IL7: variants seen among roughly 807,000 people sequenced by gnomAD.
IL7 encodes interleukin-7.
Under a neutral mutation model 21.6 loss-of-function variants are expected in IL7, and 3 were observed. The observed-to-expected ratio is 0.14, with a 90% CI of 0.06 to 0.36. The LOEUF is 0.36. IL7 is among the 10% of genes least tolerant of loss of function. IL7 has a pLI of 1.00. For missense variants in IL7, 175 were observed against 200.2 expected (o/e 0.87, Z 0.76); for synonymous variants, 62 against 68.1 (o/e 0.91, Z 0.44).
At chr8:78,751,156 G>T (rs1287964274) in intron 2 of IL7, among the ~76,000 whole-genome samples, 3 of 150,478 alleles carry the variant, frequency 2.0e-5, no homozygotes, top group Non-Finnish European at 4.4e-5. Flanking sequence ...TACAAAAGGA[G>T]TAGCATACAT....
chr8:78,787,518 A>G lies in IL7; in HGVS notation c.147+10554T>C, dbSNP rs149429860. Among the ~76,000 whole-genome samples, 826 of 152,300 alleles carry G rather than the reference A, an allele frequency of 5.4e-3. 10 individuals are homozygous for G. Among genetic ancestry groups the G allele is most frequent in the African/African-American group, 0.019 (798 of 41,568 alleles). ...AGATACTCTCTGTCCCCACACATGCATAGCCTTCCCTGTTATTAACACTGT... is the reference window on the plus strand; with the variant it reads ...AGATACTCTCTGTCCCCACACATGCGTAGCCTTCCCTGTTATTAACACTGT... On this transcript the variant is annotated intron_variant, in intron 2 of 5. Coordinates refer to ENST00000263851, the MANE Select transcript of IL7 (RefSeq NM_000880.4).
chr8:78,706,277 C>T (rs939331198), intron 3 of IL7, among the ~76,000 whole-genome samples: 1 of 152,168 alleles, frequency 6.6e-6, no homozygotes, highest in African/African-American at 2.4e-5. Context: ...CTACTTGGTC[C>T]TCTTGATTCA....
At chr8:78,691,361 T>A (rs1390603413) in intron 3 of IL7, among the ~76,000 whole-genome samples, 1 of 152,202 alleles carries the variant, frequency 6.6e-6, no homozygotes, top group Non-Finnish European at 1.5e-5. Context: ...TATAAATTGT[T>A]CCTTTTTGTC....
chr8:78,724,217 C>G (rs1811300926), intron 3 of IL7: 1 of 151,968 alleles, frequency 6.6e-6, no homozygotes, highest in South Asian at 2.1e-4. Context: ...TTTTTATCAC[C>G]TATGATTTTA....
chr8:78,795,360 T>C (rs777313435), intron 2 of IL7, among the ~76,000 whole-genome samples: 5 of 152,108 alleles, frequency 3.3e-5, no homozygotes, highest in Non-Finnish European at 5.9e-5. Context: ...CTTCTATGTA[T>C]AGAAAACATT....
intron 3 of IL7, among the ~76,000 whole-genome samples, chr8:78,687,916 T>TAC (rs1338725583): frequency 7.1e-6 from 1 of 140,930 alleles, no homozygotes; most frequent in African/African-American, 2.6e-5. Flanking sequence ...TATATAAATA[T>TAC]ATAATTATTT....
intron 3 of IL7, among the ~76,000 whole-genome samples, chr8:78,693,885 A>G (rs1261966544): frequency 1.3e-5 from 2 of 152,174 alleles, no homozygotes; most frequent in Non-Finnish European, 2.9e-5. Context: ...TTAAGTCTTT[A>G]ATCCATCTTG....
intron 3 of IL7, among the ~76,000 whole-genome samples, chr8:78,710,287 A>G (rs1385159876): frequency 2.6e-5 from 4 of 152,166 alleles, no homozygotes; most frequent in Non-Finnish European, 5.9e-5. Context: ...TTTTGAATGT[A>G]CATATATATA....
At chr8:78,720,463 AAC>A (rs1370313030) in intron 5 of IL7, among the ~76,000 whole-genome samples, 11 of 151,802 alleles carry the variant, frequency 7.2e-5, no homozygotes, top group Admixed American at 1.3e-4. Context: ...CCTCATTTTA[AAC>A]ACAGTTTTGC....
chr8:78,800,076 A>G (rs1262174030), intron 1 of IL7, among the ~76,000 whole-genome samples: 5 of 151,418 alleles, frequency 3.3e-5, no homozygotes, highest in African/African-American at 1.2e-4. Context: ...TCCCCCTCCT[A>G]CTCTCCCACC....
intron 2 of IL7, among the ~76,000 whole-genome samples, chr8:78,794,765 A>T (rs977742144): frequency 2.6e-5 from 4 of 152,088 alleles, no homozygotes; most frequent in Admixed American, 1.3e-4. Context: ...GCAGACATCT[A>T]ACAAACAGGA....
At chr8:78,786,072 T>C (rs1445505070) in intron 2 of IL7, among the ~76,000 whole-genome samples, 4 of 152,206 alleles carry the variant, frequency 2.6e-5, no homozygotes, top group Admixed American at 6.5e-5. Context: ...CTCATGTACA[T>C]TGTGATACTG....
intron 1 of IL7, among the ~76,000 whole-genome samples, chr8:78,798,660 T>G (rs748068843): frequency 2.0e-5 from 3 of 152,132 alleles, no homozygotes; most frequent in Non-Finnish European, 2.9e-5. Context: ...TATTTGCTTC[T>G]TGGAGGCAAC....
chr8:78,695,168 A>G (rs1440223711), intron 3 of IL7, among the ~76,000 whole-genome samples: 3 of 152,212 alleles, frequency 2.0e-5, no homozygotes, highest in African/African-American at 7.2e-5. Flanking sequence ...TCTTGTCTAA[A>G]GTAATGGGAA....
At chr8:78,677,568 A>G (rs1157928688) in intron 4 of IL7, among the ~76,000 whole-genome samples, 1 of 152,104 alleles carries the variant, frequency 6.6e-6, no homozygotes, top group African/African-American at 2.4e-5. Context: ...CTACTCTTAC[A>G]TTAACTTTTG....
At chr8:78,725,874 T>C in intron 3 of IL7, among the ~76,000 whole-genome samples, 1 of 152,150 alleles carries the variant, frequency 6.6e-6, no homozygotes, top group Non-Finnish European at 1.5e-5. Flanking sequence ...TAATGTTAGA[T>C]ATATGTTCAT....
chr8:78,693,720 GA>G, intron 3 of IL7, among the ~76,000 whole-genome samples: 1 of 152,248 alleles, frequency 6.6e-6, no homozygotes, highest in East Asian at 1.9e-4. Context: ...CTGCTGTGCA[GA>G]AGCTCTTTAG....
chr8:78,736,637 C>T, intron 4 of IL7, 110 bp from the exon 5 acceptor site: 1 of 601,824 alleles, frequency 1.7e-6, no homozygotes, highest in Non-Finnish European at 2.9e-6. Flanking sequence ...CTATTTGAGA[C>T]TCTACTTTAA....
chr8:78,765,257 T>G (rs1054129705), intron 2 of IL7, among the ~76,000 whole-genome samples: 7 of 152,078 alleles, frequency 4.6e-5, no homozygotes, highest in Non-Finnish European at 8.8e-5. Context: ...AAATTCTTGA[T>G]GAACTTGGGC....
Sources: allele counts gnomAD v4.1 joint callset (sites outside exome capture counted in the v4.1 genomes callset), GRCh38; gene constraint gnomAD v4.1.1; transcripts MANE v1.5; gene names NCBI Gene and HGNC (gene_info 2026-07-23, HGNC 2026-07-21).